ATP2C2: variants seen among roughly 807,000 people sequenced by gnomAD.
The protein encoded by ATP2C2 is ATPase secretory pathway Ca2+ transporting 2.
A neutral mutation model predicts 110.8 loss-of-function variants in ATP2C2; 171 were observed. That is an observed-to-expected ratio of 1.54 (90% CI 1.36 to 1.75). ATP2C2 has a LOEUF of 1.75. ATP2C2 is among the 40% of genes most tolerant of loss of function. ATP2C2 has a pLI of 0.00. For synonymous variants in ATP2C2, 804 were observed against 508.4 expected, an observed-to-expected ratio of 1.58 and a Z score of -7.82; for missense variants, 1,963 against 1,235.0, an observed-to-expected ratio of 1.59 and a Z score of -8.84.
intron 2 of ATP2C2, 185 bp from the exon 3 acceptor site, chr16:84,404,943 G>A (rs62640933): frequency 1.3e-5 from 9 of 694,420 alleles, no homozygotes; most frequent in South Asian, 1.2e-4. Context: ...ACTGGCTTGT[G>A]CCTTTTCCTC....
At chr16:84,442,693 G>A in intron 15 of ATP2C2, 94 bp downstream of exon 15, 5 of 1,195,680 alleles carry the variant, frequency 4.2e-6, no homozygotes, top group South Asian at 2.5e-5. Context: ...TAACAGGAGT[G>A]GGGACGTTAG....
At chr16:84,392,862 A>G (rs1288270409) in intron 1 of ATP2C2, among the ~76,000 whole-genome samples, 2 of 152,132 alleles carry the variant, frequency 1.3e-5, no homozygotes, top group Non-Finnish European at 2.9e-5. Flanking sequence ...GTGTCATTCA[A>G]CGTGTCTATT....
chr16:84,443,030 G>T (rs944468656), intron 15 of ATP2C2, among the ~76,000 whole-genome samples: 4 of 152,136 alleles, frequency 2.6e-5, no homozygotes, highest in Non-Finnish European at 4.4e-5. Context: ...GTGCAGGGTT[G>T]CCCCAGGCCA....
chr16:84,421,182 A>G (rs1279612750), intron 7 of ATP2C2, among the ~76,000 whole-genome samples: 4 of 152,196 alleles, frequency 2.6e-5, no homozygotes, highest in Non-Finnish European at 4.4e-5. Context: ...GACTTTCCTC[A>G]GCATCGCTCA....
intron 11 of ATP2C2, among the ~76,000 whole-genome samples, chr16:84,427,100 C>T (rs1249668300): frequency 6.6e-6 from 1 of 152,182 alleles, no homozygotes; most frequent in Admixed American, 6.5e-5. Flanking sequence ...AGGCTCATGT[C>T]AGGCCCATTG....
At position 84,460,601 on chromosome 16, in the gene ATP2C2, C is replaced by G. The variant is rs780229378; in HGVS notation, c.2334-53C>G. On this transcript the variant is annotated intron_variant, in intron 23 of 26. Coordinates refer to ENST00000262429, the MANE Select transcript of ATP2C2 (RefSeq NM_014861.4). The stretch of plus-strand genomic sequence containing the variant: ...GCTCAGGCACAGCTGTTTCAAGGGT[C>G]CTTTATTTCATTCCTGGTTCATTTC... The G allele has an allele frequency of 4.7e-5, 75 of 1,612,900 alleles. 1 individual carries two copies. In the Middle Eastern group the frequency reaches 4.9e-4, roughly 11 times the overall value.
chr16:84,449,742 G>A (rs247888), intron 17 of ATP2C2, among the ~76,000 whole-genome samples: 34,198 of 152,226 alleles, frequency 0.22, 4,586 homozygotes, highest in Middle Eastern at 0.29. Flanking sequence ...AATCTGGCAC[G>A]TGGGTGGCAG....
chr16:84,380,809 C>T lies in ATP2C2; in HGVS notation c.99+12095C>T, dbSNP rs1040735981. ...TGTTGTGGAATGGAGTCATTTAATA[C>T]ACATCAAGCATGTAAGGTAGCACCT... On this transcript the variant is annotated intron_variant, in intron 1 of 26. Coordinates refer to ENST00000262429, the MANE Select transcript of ATP2C2 (RefSeq NM_014861.4). Among the ~76,000 whole-genome samples, 22 of 152,182 alleles carry T rather than the reference C, an allele frequency of 1.4e-4. 1 individual carries two copies. Among genetic ancestry groups the T allele is most frequent in the African/African-American group, 5.3e-4 (22 of 41,434 alleles).
chr16:84,445,845 C>G (rs906263729), intron 15 of ATP2C2, among the ~76,000 whole-genome samples: 9 of 152,356 alleles, frequency 5.9e-5, no homozygotes, highest in South Asian at 2.1e-4. Flanking sequence ...TGGGTCATGA[C>G]TGGTTTACAC....
chr16:84,376,257 G>A (rs1567682179), intron 1 of ATP2C2, among the ~76,000 whole-genome samples: 1 of 152,208 alleles, frequency 6.6e-6, no homozygotes, highest in East Asian at 1.9e-4. Flanking sequence ...AGGAAGGCAG[G>A]TGAGGCGATG....
intron 20 of ATP2C2, among the ~76,000 whole-genome samples, chr16:84,453,586 A>G (rs1369657222): frequency 6.6e-6 from 1 of 152,148 alleles, no homozygotes; most frequent in African/African-American, 2.4e-5. Flanking sequence ...CTTGGAGAGG[A>G]CGAGGCTCTG....
At position 84,369,297 on chromosome 16, in the gene ATP2C2, G is replaced by A. The variant is rs565148777; in HGVS notation, c.99+583G>A. Among the ~76,000 whole-genome samples, 146 of 152,230 alleles carry A rather than the reference G, an allele frequency of 9.6e-4. 2 individuals are homozygous for A. The highest frequency in any genetic ancestry group is 3.4e-3 in the African/African-American group (143 of 41,532). On this transcript the variant is annotated intron_variant, in intron 1 of 26. Coordinates refer to ENST00000262429, the MANE Select transcript of ATP2C2 (RefSeq NM_014861.4). The stretch of plus-strand genomic sequence containing the variant: ...AAGCAGCAGGGTGCCAGGGCAGGGC[G>A]GTTCATGAGGGAACGAAGTGGCAAA...
At chr16:84,379,495 A>G (rs1910450891) in intron 1 of ATP2C2, among the ~76,000 whole-genome samples, 1 of 152,174 alleles carries the variant, frequency 6.6e-6, no homozygotes, top group Non-Finnish European at 1.5e-5. Context: ...ATGTCCTCCA[A>G]GTGTGGGCTG....
intron 3 of ATP2C2, chr16:84,406,700 G>A (rs1287544054): frequency 2.1e-6 from 2 of 963,146 alleles, no homozygotes; most frequent in Non-Finnish European, 2.5e-6. Flanking sequence ...CTGCAGGGCT[G>A]AGAAGAGGCA....
intron 17 of ATP2C2, 134 bp from the exon 18 acceptor site, chr16:84,451,787 A>G: frequency 1.1e-6 from 1 of 891,302 alleles, no homozygotes; most frequent in South Asian, 1.6e-5. Flanking sequence ...GCAGTGAGCC[A>G]ACATTACACC....
At chr16:84,416,436 T>A (rs1277492278) in intron 7 of ATP2C2, among the ~76,000 whole-genome samples, 1 of 152,204 alleles carries the variant, frequency 6.6e-6, no homozygotes, top group African/African-American at 2.4e-5. Flanking sequence ...ACTGATGGGA[T>A]GCATTCTCAG....
chr16:84,373,407 G>A (rs1394723675), intron 1 of ATP2C2, among the ~76,000 whole-genome samples: 4 of 152,106 alleles, frequency 2.6e-5, no homozygotes, highest in Non-Finnish European at 5.9e-5. Flanking sequence ...GGCTGAGGCA[G>A]AAGAAACGCT....
At chr16:84,451,842 A>AG (rs914670427) in intron 17 of ATP2C2, 79 bp from the exon 18 acceptor site, 1 of 617,176 alleles carries the variant, frequency 1.6e-6, no homozygotes, top group African/African-American at 3.0e-5. Context: ...CTCTTAAAAA[A>AG]CAACAACAAC....
chr16:84,439,218 C>G lies in ATP2C2; in HGVS notation c.1039C>G (p.Leu347Val). 2 of 1,612,258 alleles carry G rather than the reference C, an allele frequency of 1.2e-6. No individual in the cohort carries two copies. Among genetic ancestry groups the G allele is most frequent in the Non-Finnish European group, 1.7e-6 (2 of 1,180,012 alleles). The change falls in exon 12 of 27, where the codon CTG becomes GTG. Residue 347 changes from leucine (L) to valine (V), a missense_variant. By Grantham distance (32) the Leu-to-Val change is conservative. Transcript: ENST00000262429. ...TCTGCCCATCGTCGTCATGGTGACG[C>G]TGGTCCTGGGAGTGCTGCGGATGGC... Reference protein sequence around the residue: ...EGLPIVVMVTLVLGVLRMAKK... With the variant: ...EGLPIVVMVTVVLGVLRMAKK...
Sources: gnomAD v4.1 joint callset for allele counts (sites outside exome capture counted in the v4.1 genomes callset) on GRCh38, gnomAD v4.1.1 for gene constraint, MANE v1.5 for transcripts, NCBI Gene and HGNC (gene_info 2026-07-23, HGNC 2026-07-21) for gene names.